The following ITPKA variants were observed in gnomAD, a reference collection of about 807,000 sequenced individuals.
ITPKA encodes inositol-trisphosphate 3-kinase A, also known as IP3 3-kinase A.
ITPKA carries 16 observed loss-of-function variants against 40.7 expected under a neutral mutation model. The ratio of observed to expected loss-of-function variants is 0.39; its 90% CI spans 0.27 to 0.60. The LOEUF is 0.60. ITPKA is among the 20% of genes least tolerant of loss of function. The pLI is 0.50. For missense variants in ITPKA, 540 were observed against 649.3 expected, an observed-to-expected ratio of 0.83 and a Z score of 1.83; for synonymous variants, 313 against 289.9, an observed-to-expected ratio of 1.08 and a Z score of -0.81.
chr15:41,502,976 C>G lies in ITPKA; in HGVS notation c.1196C>G (p.Ser399Trp). The change falls in exon 7 of 7, where the codon TCG (serine) becomes TGG (tryptophan). Residue 399 changes from serine (S) to tryptophan (W), a missense_variant. Physicochemically the swap from Ser to Trp is radical, Grantham distance 177 (BLOSUM62 -3). Coordinates refer to ENST00000260386, the MANE Select transcript of ITPKA (RefSeq NM_002220.3). ...FFRRHEVIGS[S>W]LLFVHDHCHR... ...CGGGGCTCGCAGGTGATCGGCAGCT[C>G]GCTCCTCTTTGTGCACGATCACTGC... The G allele has an allele frequency of 6.2e-7, 1 of 1,602,064 alleles. No homozygotes were observed. Among genetic ancestry groups the G allele is most frequent in the South Asian group, 1.1e-5 (1 of 90,210 alleles).
chr15:41,502,290 G>T, intron 4 of ITPKA, 89 bp downstream of exon 4: 1 of 970,968 alleles, frequency 1.0e-6, no homozygotes, highest in African/African-American at 1.7e-5. Context: ...CTGCCCCTCC[G>T]CCCTCTCCCA....
At position 41,494,411 on chromosome 15, in the gene ITPKA, G is replaced by T; in HGVS notation, c.484G>T (p.Gly162Cys). The T allele has an allele frequency of 6.9e-7, 1 of 1,459,662 alleles. No homozygotes were observed. The highest frequency in any genetic ancestry group is 9.0e-7 in the Non-Finnish European group (1 of 1,106,812). The allele number at this position is 1,459,662 out of a possible 1,614,324, so 90.4% of individuals were successfully genotyped here. A position where few individuals can be genotyped will look rare whatever the true frequency, so the allele number is the denominator to read the frequency against. ...GCAGCTGGAAGCGGGCGAGGACGTG[G>T]GTCAGGTACGGGCCGCGGGGGCGGG... Reference protein sequence around the residue: ...NVQLEAGEDVGQKNHWQKIRT... With the variant: ...NVQLEAGEDVCQKNHWQKIRT... Residue 162 changes from glycine to cysteine, a missense_variant, in exon 1 of 7, where the codon GGT becomes TGT. Physicochemically the swap from Gly to Cys is radical, Grantham distance 159. Coordinates refer to ENST00000260386, the MANE Select transcript of ITPKA (RefSeq NM_002220.3). This position sits in a 1 kb window ranked among gnomAD's most constrained non-coding sequence, Gnocchi z 7.8.
chr15:41,502,159 C>T lies in ITPKA; in HGVS notation c.966C>T (p.Ile322=). Residue 322 remains isoleucine, a synonymous_variant, in exon 4 of 7, where the codon ATC becomes ATT. Transcript: ENST00000260386. The stretch of plus-strand genomic sequence containing the variant: ...GCTACATGCAGTGGCGGGAAGGCAT[C>T]AGCTCCAGCACCACCCTCGGCTTCC... ...KPRYMQWREG[I]SSSTTLGFRI... 10 of 1,598,576 alleles carry T rather than the reference C, an allele frequency of 6.3e-6. No individual in the cohort carries two copies. The highest frequency in any genetic ancestry group is 7.7e-6 in the Non-Finnish European group (9 of 1,173,184).
Position 41,501,578 on chromosome 15 carries a change from G to A in ITPKA, c.586+19G>A. 2 of 540,298 alleles carry A rather than the reference G, an allele frequency of 3.7e-6. No individual in the cohort carries two copies. The highest frequency in any genetic ancestry group is 1.5e-5 in the South Asian group (1 of 65,664). 33.5% of individuals were successfully genotyped at this position (540,298 alleles called of 1,614,324 possible). A position where few individuals can be genotyped will look rare whatever the true frequency, so the allele number is the denominator to read the frequency against. On this transcript the variant is annotated intron_variant, in intron 2 of 6. Transcript: ENST00000260386. ...CACACTGGTGAGCAGTGGGGCGGGT[G>A]GGCGGGTGCCCGCGACGGGAAGGGG...
chr15:41,503,522 T>A lies in ITPKA; in HGVS notation c.*356T>A. 1 of 591,488 alleles carries A rather than the reference T, an allele frequency of 1.7e-6. No homozygotes were observed. Among genetic ancestry groups the A allele is most frequent in the Non-Finnish European group, 3.2e-6 (1 of 307,812 alleles). The allele number at this position is 591,488 out of a possible 1,614,324, so 36.6% of individuals were successfully genotyped here. A position where few individuals can be genotyped will look rare whatever the true frequency, so the allele number is the denominator to read the frequency against. ...TCTAACGTCTCACACCACGACGGAC[T>A]CCCCTTCCTAATAAAACTCAAAGAC... On this transcript the variant is annotated 3_prime_UTR_variant, in exon 7 of 7. Coordinates refer to ENST00000260386, the MANE Select transcript of ITPKA (RefSeq NM_002220.3).
chr15:41,500,295 C>A (rs74012302), intron 1 of ITPKA, among the ~76,000 whole-genome samples: 4,971 of 152,278 alleles, frequency 0.033, 201 homozygotes, highest in African/African-American at 0.094. Context: ...TTTCTAGGTC[C>A]AGATAAAAAC....
At chr15:41,500,603 C>A (rs989416891) in intron 1 of ITPKA, among the ~76,000 whole-genome samples, 10 of 152,206 alleles carry the variant, frequency 6.6e-5, no homozygotes, top group African/African-American at 2.4e-4. Context: ...ATGTACTACT[C>A]ACAGCAACCC....
At chr15:41,502,264 C>T (rs1272364880) in intron 4 of ITPKA, 63 bp downstream of exon 4, 14 of 1,485,184 alleles carry the variant, frequency 9.4e-6, no homozygotes, top group Non-Finnish European at 1.1e-5. Context: ...TTCCCGATCC[C>T]CCGCTCCCGC....
intron 1 of ITPKA, among the ~76,000 whole-genome samples, chr15:41,497,696 C>T (rs1328103614): frequency 2.6e-5 from 4 of 152,060 alleles, no homozygotes; most frequent in South Asian, 2.1e-4. Flanking sequence ...GGTGGTAGGA[C>T]GGAGGACTCA....
intron 1 of ITPKA, 31 bp from the exon 2 acceptor site, chr15:41,501,432 G>T (rs751252582): frequency 1.3e-6 from 2 of 1,585,922 alleles, no homozygotes; most frequent in South Asian, 1.2e-5. Context: ...CCGAGACGCC[G>T]ATTATCAGAC....
chr15:41,493,893 G>T lies in ITPKA; in HGVS notation c.-35G>T. On this transcript the variant is annotated 5_prime_UTR_variant, in exon 1 of 7. Transcript: ENST00000260386. The stretch of plus-strand genomic sequence containing the variant: ...CGCTCCAGTCCCCGGCGCGCCGCGG[G>T]CTGGTGGGCTCAGCGGCGGCGCCGG... 1.0e-6 allele frequency: 1 copy of T among 1,000,222 alleles called. No individual in the cohort carries two copies. Among genetic ancestry groups the T allele is most frequent in the African/African-American group, 1.8e-5 (1 of 57,082 alleles). 62.0% of individuals were successfully genotyped at this position (1,000,222 alleles called of 1,614,324 possible). A position where few individuals can be genotyped will look rare whatever the true frequency, so the allele number is the denominator to read the frequency against.
At chr15:41,495,372 G>T (rs2051063408) in intron 1 of ITPKA, among the ~76,000 whole-genome samples, 1 of 152,234 alleles carries the variant, frequency 6.6e-6, no homozygotes, top group Non-Finnish European at 1.5e-5. Context: ...CGGGCGTCTG[G>T]GGCCTGCCCA....
chr15:41,498,956 A>G (rs1288354021), intron 1 of ITPKA, among the ~76,000 whole-genome samples: 1 of 152,168 alleles, frequency 6.6e-6, no homozygotes, highest in African/African-American at 2.4e-5. Flanking sequence ...GCAGGGCATG[A>G]GGGGATGTAA....
In ITPKA at chr15:41,502,829, G is replaced by T; in HGVS notation, c.1152G>T (p.Leu384=). The T allele has an allele frequency of 6.2e-7, 1 of 1,612,890 alleles. No individual in the cohort carries two copies. The highest frequency in any genetic ancestry group is 8.5e-7 in the Non-Finnish European group (1 of 1,179,544). The change falls in exon 6 of 7, where the codon CTG becomes CTT. Residue 384 remains leucine, a synonymous_variant. Coordinates refer to ENST00000260386, the MANE Select transcript of ITPKA (RefSeq NM_002220.3). ...GCCTGCAGCAGATCCGGGACACCCT[G>T]GAGGTATCCGAGTTCTTCAGGAGGC... is the stretch of plus-strand genomic sequence containing the variant. ...LNRLQQIRDT[L]EVSEFFRRHE...
Position 41,502,500 on chromosome 15 carries a change from G to A in ITPKA, c.1107G>A (p.Val369=), listed in dbSNP as rs1450061703. ...FEEFVQGDEE[V]LRRYLNRLQQ... ...AGTTTGTGCAAGGAGATGAGGAAGT[G>A]CTGGTGAGAGCGGGATCCCAAACCC... Residue 369 remains valine, a synonymous_variant, in exon 5 of 7, where the codon GTG becomes GTA. Transcript: ENST00000260386. 1.3e-6 allele frequency: 2 copies of A among 1,555,014 alleles called. No homozygotes were observed. The highest frequency in any genetic ancestry group is 1.8e-6 in the Non-Finnish European group (2 of 1,127,442).
chr15:41,495,791 G>A (rs1230934447), intron 1 of ITPKA, among the ~76,000 whole-genome samples: 1 of 152,262 alleles, frequency 6.6e-6, no homozygotes, highest in Non-Finnish European at 1.5e-5. Context: ...CGGAAGCTCT[G>A]ACACCTGAGA....
At position 41,494,196 on chromosome 15, in the gene ITPKA, A is replaced by T; in HGVS notation, c.269A>T (p.Asp90Val). The stretch of plus-strand genomic sequence containing the variant: ...CTGACCGTGACAGCCGAGGAGCCCG[A>T]CGTGCCCCCGACCAGCCCTGGGCCG... ...PQLTVTAEEPDVPPTSPGPPE... is the reference protein window; with the variant it reads ...PQLTVTAEEPVVPPTSPGPPE... The change falls in exon 1 of 7, where the codon GAC becomes GTC. Residue 90 changes from aspartate to valine, a missense_variant. Physicochemically the swap from Asp to Val is radical, Grantham distance 152 (BLOSUM62 -3). Coordinates refer to ENST00000260386, the MANE Select transcript of ITPKA (RefSeq NM_002220.3). This position sits in a 1 kb window ranked among gnomAD's most constrained non-coding sequence, Gnocchi z 7.8. 1 of 1,522,540 alleles carries T rather than the reference A, an allele frequency of 6.6e-7. No individual in the cohort carries two copies. Among genetic ancestry groups the T allele is most frequent in the Non-Finnish European group, 8.8e-7 (1 of 1,142,306 alleles). 94.3% of individuals were successfully genotyped at this position (1,522,540 alleles called of 1,614,324 possible).
chr15:41,501,378 G>C, intron 1 of ITPKA, 85 bp from the exon 2 acceptor site: 1 of 1,528,740 alleles, frequency 6.5e-7, no homozygotes, highest in Non-Finnish European at 8.8e-7. Context: ...TGGGTCGGGG[G>C]CGTGGCGAGA....
Position 41,501,507 on chromosome 15 carries a change from C to G in ITPKA, c.534C>G (p.Val178=). The G allele has an allele frequency of 6.2e-7, 1 of 1,603,530 alleles. No individual in the cohort carries two copies. Among genetic ancestry groups the G allele is most frequent in the Non-Finnish European group, 8.5e-7 (1 of 1,178,474 alleles). ...TCCGGACCATGGTCAATCTGCCGGT[C>G]ATAAGCCCTTTCAAGAAGCGCTACG... ...QKIRTMVNLP[V]ISPFKKRYAW... Residue 178 remains valine, a synonymous_variant, in exon 2 of 7, where the codon GTC becomes GTG. Transcript: ENST00000260386.
Sources: gnomAD v4.1 joint callset for allele counts (sites outside exome capture counted in the v4.1 genomes callset) on GRCh38, gnomAD v4.1.1 for gene constraint, Gnocchi (gnomAD v3.1) non-coding constraint, MANE v1.5 for transcripts, NCBI Gene and HGNC (gene_info 2026-07-23, HGNC 2026-07-21) for gene names.